Variants in ECHDC3 observed in about 807,000 individuals in gnomAD.
ECHDC3 encodes enoyl-CoA hydratase domain containing 3.
A neutral mutation model predicts 17.9 loss-of-function variants in ECHDC3; 20 were observed. That is an observed-to-expected ratio of 1.12 (90% CI 0.79 to 1.63). ECHDC3 has a LOEUF of 1.63. Among genes scored for constraint, ECHDC3 ranks in the 40% most tolerant of loss-of-function variants. ECHDC3 has a pLI of 0.00. For synonymous variants in ECHDC3, 177 were observed against 149.7 expected (o/e 1.18, Z -1.33); for missense variants, 407 against 357.7 (o/e 1.14, Z -1.11).
intron 3 of ECHDC3, among the ~76,000 whole-genome samples, chr10:11,751,181 C>T (rs1832819363): frequency 6.6e-6 from 1 of 152,180 alleles, no homozygotes; most frequent in Non-Finnish European, 1.5e-5. Context: ...GCCCTTTTAT[C>T]CTCCCTAAGG....
Position 11,742,414 on chromosome 10 carries a change from C to G in ECHDC3, c.-163C>G, listed in dbSNP as rs1433068045. On this transcript the variant is annotated 5_prime_UTR_variant, in exon 1 of 5. Coordinates refer to ENST00000379215, the MANE Select transcript of ECHDC3 (RefSeq NM_024693.5). ...GGACTGGGCCTGGCCTGGGGCGTCC[C>G]CGCGAAGCCTGGGCCTGTCAGGCGG... The G allele has an allele frequency of 1.8e-6, 1 of 568,298 alleles. No individual in the cohort carries two copies. The highest frequency in any genetic ancestry group is 4.1e-5 in the East Asian group (1 of 24,230). The allele number at this position is 568,298 out of a possible 1,614,324, so 35.2% of individuals were successfully genotyped here.
intron 4 of ECHDC3, among the ~76,000 whole-genome samples, chr10:11,762,256 T>C (rs116293265): frequency 0.02 from 2,984 of 152,120 alleles, 117 homozygotes; most frequent in African/African-American, 0.068. Context: ...ACCTCAGTGA[T>C]AGGGGATGCA....
At position 11,747,390 on chromosome 10, in the gene ECHDC3, C is replaced by T. The variant is rs770132227; in HGVS notation, c.212C>T (p.Ser71Leu). ...LSNPKKRNAL[S>L]LAMLKSLQSD... Reference sequence around the variant, plus strand: ...AATCCCAAGAAGAGGAACGCGTTGTCACTTGCAATGCTGAAGTCTCTCCAA... The same window carrying T: ...AATCCCAAGAAGAGGAACGCGTTGTTACTTGCAATGCTGAAGTCTCTCCAA... Residue 71 changes from serine to leucine, a missense_variant, in exon 2 of 5, where the codon TCA (serine) becomes TTA (leucine). Transcript: ENST00000379215. 6.2e-6 allele frequency: 10 copies of T among 1,613,920 alleles called. No individual in the cohort carries two copies. The highest frequency in any genetic ancestry group is 8.5e-6 in the Non-Finnish European group (10 of 1,179,970).
intron 4 of ECHDC3, chr10:11,755,820 C>T (rs925214618): frequency 2.6e-5 from 13 of 504,164 alleles, no homozygotes; most frequent in African/African-American, 1.5e-4. Flanking sequence ...TAGCTTCTGA[C>T]GCCAGGCGTC....
intron 4 of ECHDC3, among the ~76,000 whole-genome samples, chr10:11,762,213 C>T (rs1031452641): frequency 1.3e-5 from 2 of 152,070 alleles, no homozygotes; most frequent in Non-Finnish European, 2.9e-5. Flanking sequence ...CATCAGGGTT[C>T]GTTTTACACT....
chr10:11,752,930 T>C (rs550234599), intron 3 of ECHDC3, among the ~76,000 whole-genome samples: 1 of 152,370 alleles, frequency 6.6e-6, no homozygotes, highest in Non-Finnish European at 1.5e-5. Context: ...GTCGATGTAG[T>C]TTAGTTTCCA....
chr10:11,761,052 G>A (rs1227123851), intron 4 of ECHDC3, among the ~76,000 whole-genome samples: 1 of 151,298 alleles, frequency 6.6e-6, no homozygotes, highest in Admixed American at 6.6e-5. Flanking sequence ...AGGAGGCCCT[G>A]CATCACCCGT....
Position 11,747,257 on chromosome 10 carries a change from T to C in ECHDC3, c.171-92T>C, listed in dbSNP as rs567834297. The C allele has an allele frequency of 3.1e-5, 47 of 1,527,624 alleles. No individual in the cohort carries two copies. The South Asian group carries it at 4.0e-4, about 13-fold the overall frequency. 94.6% of individuals were successfully genotyped at this position (1,527,624 alleles called of 1,614,324 possible). On this transcript the variant is annotated intron_variant, in intron 1 of 4. Transcript: ENST00000379215. ...CCAGCAGTTCTCCTTTCTTGTCTGT[T>C]AAAAATACCTCCTAAATTAGACAGG...
intron 2 of ECHDC3, 110 bp from the exon 3 acceptor site, chr10:11,749,385 C>T: frequency 2.1e-6 from 2 of 957,616 alleles, no homozygotes; most frequent in Admixed American, 2.4e-5. Context: ...TTAACTTGCT[C>T]TAAGTGAAAG....
chr10:11,761,391 C>T (rs1832949082), intron 4 of ECHDC3, among the ~76,000 whole-genome samples: 1 of 152,196 alleles, frequency 6.6e-6, no homozygotes, highest in Non-Finnish European at 1.5e-5. Flanking sequence ...GTTATCCAAA[C>T]GTCAGTATCA....
chr10:11,743,470 G>A (rs1051492129), intron 1 of ECHDC3, among the ~76,000 whole-genome samples: 1 of 152,240 alleles, frequency 6.6e-6, no homozygotes, highest in African/African-American at 2.4e-5. Context: ...CCAGCCCGTG[G>A]CTTCAGCGTT....
chr10:11,746,746 G>A (rs1273022323), intron 1 of ECHDC3, among the ~76,000 whole-genome samples: 1 of 152,152 alleles, frequency 6.6e-6, no homozygotes, highest in Non-Finnish European at 1.5e-5. Flanking sequence ...GACCAGCCTA[G>A]CCAACATGGT....
chr10:11,763,281 C>T lies in ECHDC3; in HGVS notation c.649C>T (p.His217Tyr). 1 of 780,420 alleles carries T rather than the reference C, an allele frequency of 1.3e-6. No homozygotes were observed. 48.3% of individuals were successfully genotyped at this position (780,420 alleles called of 1,614,324 possible). Residue 217 changes from histidine to tyrosine, a missense_variant, in exon 5 of 5, where the codon CAC (histidine) becomes TAC (tyrosine). Coordinates refer to ENST00000379215, the MANE Select transcript of ECHDC3 (RefSeq NM_024693.5). The surrounding 1 kb of genome is among the most constrained non-coding windows in gnomAD (Gnocchi z 4.9). ...EPISAQEALL[H>Y]GLLSKVVPEA... is the part of the protein sequence containing the mutation. ...CATTTCTGCCCAGGAGGCCCTGCTC[C>T]ACGGGCTGCTTAGCAAGGTGGTGCC...
chr10:11,745,201 T>G (rs983640355), intron 1 of ECHDC3, among the ~76,000 whole-genome samples: 22 of 152,190 alleles, frequency 1.4e-4, no homozygotes, highest in Non-Finnish European at 2.9e-4. Context: ...GAGTGGACTC[T>G]GCAGTTTAGA....
intron 4 of ECHDC3, among the ~76,000 whole-genome samples, chr10:11,755,999 C>T (rs1241570614): frequency 2.6e-5 from 4 of 152,220 alleles, no homozygotes; most frequent in South Asian, 2.1e-4. Flanking sequence ...GATAGAATAG[C>T]GTACTGACAT....
intron 4 of ECHDC3, among the ~76,000 whole-genome samples, chr10:11,761,061 G>A (rs760978843): frequency 1.3e-4 from 19 of 144,784 alleles, no homozygotes; most frequent in East Asian, 4.1e-4. Flanking sequence ...TGCATCACCC[G>A]TCCCTGGCTG....
At chr10:11,755,673 T>C in intron 4 of ECHDC3, 65 bp downstream of exon 4, 2 of 1,446,306 alleles carry the variant, frequency 1.4e-6, no homozygotes, top group Admixed American at 2.0e-5. Context: ...CTCCAGTGCA[T>C]GCGATGATTC....
At chr10:11,750,109 T>C (rs911941970) in intron 3 of ECHDC3, among the ~76,000 whole-genome samples, 7 of 152,164 alleles carry the variant, frequency 4.6e-5, no homozygotes, top group African/African-American at 1.7e-4. Context: ...TTTAGACTTT[T>C]AAGAAGTGAC....
At position 11,763,005 on chromosome 10, in the gene ECHDC3, G is replaced by C. The variant is rs2133797887; in HGVS notation, c.592-219G>C. On this transcript the variant is annotated intron_variant, in intron 4 of 4. Coordinates refer to ENST00000379215, the MANE Select transcript of ECHDC3 (RefSeq NM_024693.5). The surrounding 1 kb of genome is among the most constrained non-coding windows in gnomAD (Gnocchi z 4.9). ...AGTGACCAGATCTTTGCAGGAGCAA[G>C]AGAACACGGGACAGCCACTGCTCCC... Among the ~76,000 whole-genome samples, 1 of 152,296 alleles carries C rather than the reference G, an allele frequency of 6.6e-6. No homozygotes were observed. Among genetic ancestry groups the C allele is most frequent in the Non-Finnish European group, 1.5e-5 (1 of 68,018 alleles).
Sources: gnomAD v4.1 joint callset for allele counts (sites outside exome capture counted in the v4.1 genomes callset) on GRCh38, gnomAD v4.1.1 for gene constraint, Gnocchi (gnomAD v3.1) non-coding constraint, MANE v1.5 for transcripts, NCBI Gene and HGNC (gene_info 2026-07-23, HGNC 2026-07-21) for gene names.